The following CADM2 variants were observed in gnomAD, a reference collection of about 807,000 sequenced individuals.
The protein encoded by CADM2 is cell adhesion molecule 2.
CADM2 carries 12 observed loss-of-function variants against 49.8 expected under a neutral mutation model. That is an observed-to-expected ratio of 0.24 (90% CI 0.15 to 0.39). The LOEUF is 0.39. Among genes scored for constraint, CADM2 ranks in the 10% least tolerant of loss-of-function variants. CADM2 has a pLI of 1.00. For synonymous variants in CADM2, 214 were observed against 175.4 expected (o/e 1.22, Z -1.74); for missense variants, 378 against 492.3 (o/e 0.77, Z 2.20).
At chr3:85,689,913 A>G (rs2066331817) in intron 1 of CADM2, among the ~76,000 whole-genome samples, 1 of 152,198 alleles carries the variant, frequency 6.6e-6, no homozygotes, top group Admixed American at 6.5e-5. Flanking sequence ...TAAGACGAAA[A>G]CAACAGAAAG....
chr3:85,265,057 C>T (rs1029363687), intron 1 of CADM2, among the ~76,000 whole-genome samples: 2 of 151,892 alleles, frequency 1.3e-5, no homozygotes, highest in African/African-American at 2.4e-5. Context: ...GAACAACATT[C>T]AGAATATGGT....
At chr3:85,223,453 A>G (rs570507433) in intron 1 of CADM2, among the ~76,000 whole-genome samples, 1 of 152,314 alleles carries the variant, frequency 6.6e-6, no homozygotes, top group Admixed American at 6.5e-5. Context: ...ATTAATAACT[A>G]ACCTGTGTTT....
chr3:85,132,633 T>C (rs2039269832), intron 1 of CADM2, among the ~76,000 whole-genome samples: 1 of 149,058 alleles, frequency 6.7e-6, no homozygotes, highest in African/African-American at 2.4e-5. Flanking sequence ...ATATTATATA[T>C]ATATATATAT....
intron 5 of CADM2, among the ~76,000 whole-genome samples, chr3:85,903,761 C>A (rs1716441285): frequency 6.6e-6 from 1 of 152,264 alleles, no homozygotes; most frequent in East Asian, 1.9e-4. Context: ...CTGTTAAGCT[C>A]TCTGCTTACG....
chr3:85,424,313 T>C (rs2036301767), intron 1 of CADM2, among the ~76,000 whole-genome samples: 1 of 151,512 alleles, frequency 6.6e-6, no homozygotes, highest in Admixed American at 6.6e-5. Context: ...AAAAATTATA[T>C]TTGAAAAATA....
chr3:85,054,521 G>A (rs758360292), intron 1 of CADM2, among the ~76,000 whole-genome samples: 15 of 151,888 alleles, frequency 9.9e-5, no homozygotes, highest in Non-Finnish European at 4.4e-5. Context: ...CTATTAGGAA[G>A]GCTAGTCTTA....
intron 1 of CADM2, among the ~76,000 whole-genome samples, chr3:85,383,503 C>CATATATATATATATATATAT (rs1241135851): frequency 4.9e-4 from 53 of 109,182 alleles, no homozygotes; most frequent in Middle Eastern, 5.4e-3. Context: ...TACATAAAAC[C>CATATATATATATATATATAT]ATATATATAT....
At chr3:85,059,582 C>T (rs1371891253) in intron 1 of CADM2, among the ~76,000 whole-genome samples, 1 of 152,040 alleles carries the variant, frequency 6.6e-6, no homozygotes, top group African/African-American at 2.4e-5. Flanking sequence ...CCCACAATTC[C>T]CATATGTTGT....
At chr3:85,574,825 G>A (rs979723067) in intron 1 of CADM2, among the ~76,000 whole-genome samples, 4 of 152,020 alleles carry the variant, frequency 2.6e-5, no homozygotes, top group Middle Eastern at 3.4e-3. Context: ...CTCAGTCTAG[G>A]GGGTTCTCAT....
At chr3:85,238,162 A>T (rs75940049) in intron 1 of CADM2, among the ~76,000 whole-genome samples, 1 of 151,954 alleles carries the variant, frequency 6.6e-6, no homozygotes, top group African/African-American at 2.4e-5. Flanking sequence ...TTAATTTGCA[A>T]TTAAATATTT....
intron 1 of CADM2, among the ~76,000 whole-genome samples, chr3:85,478,745 G>A (rs1000645648): frequency 6.6e-6 from 1 of 151,932 alleles, no homozygotes; most frequent in South Asian, 2.1e-4. Flanking sequence ...GCAAAGCAGC[G>A]TGGTAGGCAG....
At chr3:85,549,110 G>A (rs4856273) in intron 1 of CADM2, among the ~76,000 whole-genome samples, 77,952 of 152,034 alleles carry the variant, frequency 0.51, 23,065 homozygotes, top group East Asian at 0.85. Flanking sequence ...GAAAGCTGCA[G>A]GAGGAGTCTC....
chr3:85,006,579 T>C (rs1037524052), intron 1 of CADM2, among the ~76,000 whole-genome samples: 10 of 152,146 alleles, frequency 6.6e-5, no homozygotes, highest in Non-Finnish European at 1.5e-4. Flanking sequence ...TCATGCTAAA[T>C]GCCGGGAAAC....
intron 1 of CADM2, among the ~76,000 whole-genome samples, chr3:85,611,366 C>A (rs2063678016): frequency 6.6e-6 from 1 of 151,278 alleles, no homozygotes; most frequent in African/African-American, 2.4e-5. Flanking sequence ...AGAACATTGC[C>A]AATAATTTAT....
chr3:85,068,092 T>A (rs989710624), intron 1 of CADM2, among the ~76,000 whole-genome samples: 1 of 152,194 alleles, frequency 6.6e-6, no homozygotes. Context: ...CTCTAGACAC[T>A]ATTTTTAACG....
chr3:85,766,294 G>T (rs1309387293), intron 2 of CADM2, among the ~76,000 whole-genome samples: 2 of 152,166 alleles, frequency 1.3e-5, no homozygotes, highest in Non-Finnish European at 2.9e-5. Context: ...ACAAGTTATT[G>T]TCCATAAAAG....
chr3:85,855,163 C>T (rs1263957367), intron 3 of CADM2, among the ~76,000 whole-genome samples: 2 of 152,084 alleles, frequency 1.3e-5, no homozygotes, highest in African/African-American at 4.8e-5. Context: ...ACCTTCCTAT[C>T]CCACTCAATT....
At chr3:85,983,421 A>G (rs947311512) in intron 8 of CADM2, among the ~76,000 whole-genome samples, 12 of 151,726 alleles carry the variant, frequency 7.9e-5, no homozygotes, top group African/African-American at 2.9e-4. Context: ...TTTTGTTTAC[A>G]AGATGTTTGA....
At chr3:84,985,648 A>G (rs1227261107) in intron 1 of CADM2, among the ~76,000 whole-genome samples, 1 of 152,152 alleles carries the variant, frequency 6.6e-6, no homozygotes, top group African/African-American at 2.4e-5. Context: ...AATTATTTCA[A>G]TATATACTTC....
Sources: allele counts gnomAD v4.1 joint callset (sites outside exome capture counted in the v4.1 genomes callset), GRCh38; gene constraint gnomAD v4.1.1; transcripts MANE v1.5; gene names NCBI Gene and HGNC (gene_info 2026-07-23, HGNC 2026-07-21).